The following PCDH15 variants were observed in gnomAD, a reference collection of about 807,000 sequenced individuals.
PCDH15 encodes protocadherin-15.
Under a neutral mutation model 178.5 loss-of-function variants are expected in PCDH15, and 129 were observed. The ratio of observed to expected loss-of-function variants is 0.72; its 90% CI spans 0.63 to 0.84. PCDH15 has a LOEUF of 0.84. Ranked by LOEUF, PCDH15 falls within the 40% of genes least tolerant of loss-of-function variation. The pLI, the probability that PCDH15 is intolerant of heterozygous loss-of-function variation, is 0.00. For missense variants in PCDH15, 2,230 were observed against 2,099.9 expected, an observed-to-expected ratio of 1.06 and a Z score of -1.21; for synonymous variants, 800 against 732.0, an observed-to-expected ratio of 1.09 and a Z score of -1.50.
At chr10:54,449,986 T>C (rs1462576755) in intron 3 of PCDH15, among the ~76,000 whole-genome samples, 1 of 151,594 alleles carries the variant, frequency 6.6e-6, no homozygotes, top group African/African-American at 2.4e-5. Context: ...AGAGAGTTCT[T>C]GAAAAGCCTA....
intron 1 of PCDH15, among the ~76,000 whole-genome samples, chr10:54,685,062 T>C (rs1367902418): frequency 2.0e-5 from 3 of 152,116 alleles, no homozygotes; most frequent in Admixed American, 1.3e-4. Context: ...TTTTAAAGCA[T>C]TTTTTAAACC....
At position 54,327,192 on chromosome 10, in the gene PCDH15, T is replaced by TAA. The variant is rs5785062; in HGVS notation, c.705+2402_705+2403dup. ...AAATTATATCTTTTTAATTGCATGATAAAAAAACTAGCTTACAAATACCTT... is the reference window on the plus strand; with the variant it reads ...AAATTATATCTTTTTAATTGCATGATAAAAAAAAACTAGCTTACAAATACCTT... On this transcript the variant is annotated intron_variant, in intron 7 of 37. Transcript: ENST00000644397. 2.4e-4 allele frequency among the ~76,000 whole-genome samples: 36 copies of TAA among 151,490 alleles called. No homozygotes were observed. The South Asian group carries it at 5.8e-3, about 24-fold the overall frequency.
At chr10:55,461,271 G>T (rs527753465) in intron 2 of PCDH15, among the ~76,000 whole-genome samples, 1 of 152,008 alleles carries the variant, frequency 6.6e-6, no homozygotes, top group Non-Finnish European at 1.5e-5. Context: ...GCTTTGCCTG[G>T]GATACTCCTC....
chr10:54,427,445 A>C (rs1956425308), intron 3 of PCDH15, among the ~76,000 whole-genome samples: 1 of 151,294 alleles, frequency 6.6e-6, no homozygotes, highest in Non-Finnish European at 1.5e-5. Flanking sequence ...CATCCGGCTA[A>C]CTTTGTATTT....
At chr10:54,904,461 T>C (rs1255011402) in intron 2 of PCDH15, among the ~76,000 whole-genome samples, 2 of 151,910 alleles carry the variant, frequency 1.3e-5, no homozygotes, top group Admixed American at 6.6e-5. Flanking sequence ...GGTTCAATTA[T>C]ATGATGATTA....
chr10:54,394,110 C>T (rs541018980), intron 3 of PCDH15, among the ~76,000 whole-genome samples: 1 of 152,110 alleles, frequency 6.6e-6, no homozygotes, highest in East Asian at 1.9e-4. Context: ...AAATTGAAAA[C>T]ATATAATTAT....
chr10:54,781,027 T>C lies in PCDH15; in HGVS notation c.-29+19898A>G, dbSNP rs557120886. Among the ~76,000 whole-genome samples the C allele has an allele frequency of 2.6e-5, 4 of 152,224 alleles. No homozygotes were observed. The South Asian group carries it at 8.3e-4, about 32-fold the overall frequency. On this transcript the variant is annotated intron_variant, in intron 1 of 37. Transcript: ENST00000644397. ...GAGCTGCAATATGGAGAAGTTTATC[T>C]TGGATTCTATTTTATTACCTCTACC...
intron 2 of PCDH15, among the ~76,000 whole-genome samples, chr10:55,158,720 GA>G (rs952385453): frequency 2.0e-5 from 3 of 151,252 alleles, no homozygotes; most frequent in Non-Finnish European, 4.4e-5. Context: ...GAAAGAAAAA[GA>G]AAAAAGAAAA....
At chr10:54,724,298 T>C (rs938038691) in intron 1 of PCDH15, among the ~76,000 whole-genome samples, 1 of 151,660 alleles carries the variant, frequency 6.6e-6, no homozygotes, top group Non-Finnish European at 1.5e-5. Context: ...ATATTCCATG[T>C]TCTCATTCAT....
At position 54,183,446 on chromosome 10, in the gene PCDH15, G is replaced by C. The variant is rs1462267098; in HGVS notation, c.1588C>G (p.Gln530Glu). ...TDMRPGDSVI[Q>E]LTAVDADEGS... ...ACTTATATTATGTGAGTAGTTACCT[G>C]TATGACACTGTCCCCAGGTCTCATG... The change falls in exon 13 of 38, where the codon CAG (glutamine) becomes GAG (glutamate). Residue 530 changes from glutamine to glutamate, a missense_variant and splice_region_variant. Gln to Glu is a conservative substitution (Grantham distance 29). Coordinates refer to ENST00000644397, the MANE Select transcript of PCDH15 (RefSeq NM_001384140.1). The C allele has an allele frequency of 6.2e-7, 1 of 1,610,588 alleles. No homozygotes were observed. Among genetic ancestry groups the C allele is most frequent in the East Asian group, 2.2e-5 (1 of 44,824 alleles).
chr10:54,349,599 GC>G (rs1943854436), intron 5 of PCDH15, among the ~76,000 whole-genome samples: 1 of 151,972 alleles, frequency 6.6e-6, no homozygotes, highest in African/African-American at 2.4e-5. Flanking sequence ...CACTGACATG[GC>G]TTTTTCCATG....
chr10:54,707,297 T>A (rs919941465), intron 1 of PCDH15, among the ~76,000 whole-genome samples: 23 of 152,178 alleles, frequency 1.5e-4, no homozygotes, highest in African/African-American at 5.5e-4. Flanking sequence ...TAGTACATCA[T>A]GCAACAGTAA....
chr10:54,844,939 T>A (rs967837379), intron 3 of PCDH15, among the ~76,000 whole-genome samples: 15 of 151,956 alleles, frequency 9.9e-5, no homozygotes, highest in Non-Finnish European at 1.9e-4. Flanking sequence ...AAAGCAGAAT[T>A]AAGAGCAGGC....
intron 26 of PCDH15, among the ~76,000 whole-genome samples, chr10:53,888,310 G>A (rs7922481): frequency 0.026 from 727 of 27,636 alleles, 9 homozygotes; most frequent in South Asian, 0.033. Context: ...ATATATATAT[G>A]TATATATGTA....
At chr10:54,913,326 C>T (rs1290384492) in intron 2 of PCDH15, among the ~76,000 whole-genome samples, 1 of 152,138 alleles carries the variant, frequency 6.6e-6, no homozygotes, top group African/African-American at 2.4e-5. Flanking sequence ...CACCCTGCAT[C>T]GCAGCCACTC....
chr10:55,418,598 T>C (rs990590012), intron 2 of PCDH15, among the ~76,000 whole-genome samples: 3 of 151,736 alleles, frequency 2.0e-5, no homozygotes, highest in Non-Finnish European at 4.4e-5. Flanking sequence ...TTTTAGCACA[T>C]GATGGAGACC....
chr10:54,896,012 G>A (rs1393080460), intron 3 of PCDH15, among the ~76,000 whole-genome samples: 3 of 151,750 alleles, frequency 2.0e-5, no homozygotes, highest in Admixed American at 6.6e-5. Context: ...TCATCCTCCC[G>A]AGTACCCAGG....
chr10:54,232,479 T>C (rs2054173599), intron 9 of PCDH15, among the ~76,000 whole-genome samples: 1 of 152,254 alleles, frequency 6.6e-6, no homozygotes, highest in South Asian at 2.1e-4. Context: ...AAATATTCTC[T>C]AATGGTAGAA....
intron 3 of PCDH15, among the ~76,000 whole-genome samples, chr10:54,881,651 G>T (rs575327919): frequency 4.9e-4 from 74 of 152,166 alleles, no homozygotes; most frequent in African/African-American, 1.7e-3. Context: ...CGTAGTTATA[G>T]ATGATACTGT....
Sources: allele counts gnomAD v4.1 joint callset (sites outside exome capture counted in the v4.1 genomes callset), GRCh38; gene constraint gnomAD v4.1.1; transcripts MANE v1.5; gene names NCBI Gene and HGNC (gene_info 2026-07-23, HGNC 2026-07-21).